Variants in PTPRS observed in about 807,000 individuals in gnomAD.
The protein encoded by PTPRS is protein tyrosine phosphatase receptor type S.
A neutral mutation model predicts 215.3 loss-of-function variants in PTPRS; 63 were observed. The ratio of observed to expected loss-of-function variants is 0.29; its 90% confidence interval spans 0.24 to 0.36. PTPRS has a LOEUF of 0.36. Among genes scored for constraint, PTPRS ranks in the 10% least tolerant of loss-of-function variants. The probability of loss-of-function intolerance (pLI) is 1.00; values close to 1 mark genes in which losing one functional copy is unlikely to be tolerated. For synonymous variants in PTPRS, 1,404 were observed against 1,191.4 expected (o/e 1.18, Z -3.68); for missense variants, 2,258 against 2,825.8 (o/e 0.80, Z 4.56).
At chr19:5,331,421 C>T (rs976897908) in intron 1 of PTPRS, among the ~76,000 whole-genome samples, 5 of 152,134 alleles carry the variant, frequency 3.3e-5, no homozygotes, top group South Asian at 2.1e-4. Context: ...ACGTGAGCCA[C>T]CATGCCTGGC....
chr19:5,317,939 A>C (rs1335140604), intron 1 of PTPRS, among the ~76,000 whole-genome samples: 2 of 152,228 alleles, frequency 1.3e-5, no homozygotes, highest in African/African-American at 4.8e-5. Context: ...TGGGATGCCG[A>C]GGCGGGCGGA....
chr19:5,227,025 C>A (rs1330409650), intron 16 of PTPRS, among the ~76,000 whole-genome samples: 1 of 152,096 alleles, frequency 6.6e-6, no homozygotes, highest in African/African-American at 2.4e-5. Context: ...CTGCCCCCTC[C>A]TGCCCACCCA....
chr19:5,263,295 C>A (rs927518966), intron 5 of PTPRS, among the ~76,000 whole-genome samples: 1 of 152,034 alleles, frequency 6.6e-6, no homozygotes, highest in African/African-American at 2.4e-5. Flanking sequence ...AGATAGGAGG[C>A]GATTTGTCCC....
intron 7 of PTPRS, 86 bp from the exon 8 acceptor site, chr19:5,258,213 GCCTGTCTCCTGTGCTGGC>G: frequency 7.8e-6 from 9 of 1,148,512 alleles, no homozygotes; most frequent in African/African-American, 1.5e-5. Flanking sequence ...GTGCTCTCTG[GCCTGTCTCCTGTGCTGGC>G]TGGGCCAGAG....
At chr19:5,209,310 C>G (rs1158148039) in intron 35 of PTPRS, among the ~76,000 whole-genome samples, 2 of 152,176 alleles carry the variant, frequency 1.3e-5, no homozygotes, top group Admixed American at 6.5e-5. Flanking sequence ...CTCAATGGTG[C>G]CATTTTCCAC....
chr19:5,210,833 G>A lies in PTPRS; in HGVS notation c.5235-28C>T, dbSNP rs1340573342. ...GCAGGCGTTGGGGGTATGAGCCCAGGGCCGGCAGGGAGACCCGGCGTGGTA... is the reference window on the plus strand; with the variant it reads ...GCAGGCGTTGGGGGTATGAGCCCAGAGCCGGCAGGGAGACCCGGCGTGGTA... On this transcript the variant is annotated intron_variant, in intron 33 of 37. Coordinates refer to ENST00000262963, the MANE Select transcript of PTPRS (RefSeq NM_002850.4). This position sits in a 1 kb window ranked among gnomAD's most constrained non-coding sequence, Gnocchi z 4.5. 6 of 1,607,888 alleles carry A rather than the reference G, an allele frequency of 3.7e-6. No homozygotes were observed. In the Admixed American group the frequency reaches 5.0e-5, roughly 13 times the overall value.
At chr19:5,327,470 T>A (rs749767410) in intron 1 of PTPRS, among the ~76,000 whole-genome samples, 1 of 152,028 alleles carries the variant, frequency 6.6e-6, no homozygotes, top group East Asian at 1.9e-4. Context: ...TCAGACATGA[T>A]TCAAACTTGC....
At chr19:5,216,888 G>T (rs920252068) in intron 25 of PTPRS, 121 bp from the exon 26 acceptor site, 10 of 664,156 alleles carry the variant, frequency 1.5e-5, no homozygotes, top group African/African-American at 5.4e-5. Flanking sequence ...CGGACAACGG[G>T]GGGTATGTAC....
chr19:5,222,325 C>T, intron 18 of PTPRS, 105 bp from the exon 19 acceptor site: 1 of 951,104 alleles, frequency 1.1e-6, no homozygotes, highest in South Asian at 1.4e-5. Context: ...CCAGGCGCTC[C>T]CTGTCGTCCG....
In PTPRS at chr19:5,231,068, G is replaced by GAAAC. The variant is rs893714894; in HGVS notation, c.2155+238_2155+241dup. Among the ~76,000 whole-genome samples the GAAAC allele has an allele frequency of 7.5e-4, 114 of 152,332 alleles. 1 individual carries two copies. Among genetic ancestry groups the GAAAC allele is most frequent in the African/African-American group, 2.6e-3 (109 of 41,580 alleles). ...TCCACCAAAATAGAGGGCAGCCAGC[G>GAAAC]AAACTGTCCAGGCACGAGGCTCTGG... On this transcript the variant is annotated intron_variant, in intron 14 of 37. Coordinates refer to ENST00000262963, the MANE Select transcript of PTPRS (RefSeq NM_002850.4).
chr19:5,288,004 AC>A (rs2048506503), intron 1 of PTPRS, among the ~76,000 whole-genome samples: 6 of 144,092 alleles, frequency 4.2e-5, no homozygotes, highest in East Asian at 3.9e-4. Flanking sequence ...ACACACACAC[AC>A]ACACAATCAG....
intron 10 of PTPRS, 34 bp downstream of exon 10, chr19:5,245,742 C>A: frequency 1.3e-6 from 2 of 1,535,752 alleles, no homozygotes; most frequent in Admixed American, 1.9e-5. Flanking sequence ...TCCAGCCTGC[C>A]CCTCCACCTA....
At chr19:5,252,821 C>T (rs55820053) in intron 9 of PTPRS, among the ~76,000 whole-genome samples, 32,723 of 139,814 alleles carry the variant, frequency 0.23, 4,748 homozygotes, top group Non-Finnish European at 0.33. Flanking sequence ...TGCAGTGAGC[C>T]GAGATCACGT....
rs1599322648 is a variant in PTPRS at position 5,206,723 on chromosome 19, G to A, written c.*51C>T. The A allele has an allele frequency of 6.4e-7, 1 of 1,555,064 alleles. No individual in the cohort carries two copies. The highest frequency in any genetic ancestry group is 8.9e-7 in the Non-Finnish European group (1 of 1,127,098). ...AGGCCTCAGGAGGTCCGCCCGGGAG[G>A]GGCAGAGGCATCCGGGGCCAGTGGT... On this transcript the variant is annotated 3_prime_UTR_variant, in exon 38 of 38. Coordinates refer to ENST00000262963, the MANE Select transcript of PTPRS (RefSeq NM_002850.4).
intron 1 of PTPRS, among the ~76,000 whole-genome samples, chr19:5,334,960 T>C (rs542980930): frequency 1.3e-5 from 2 of 152,340 alleles, no homozygotes; most frequent in South Asian, 2.1e-4. Flanking sequence ...CAGCTGTTAT[T>C]ATCCCCCCGA....
In PTPRS at chr19:5,221,057, T is replaced by A; in HGVS notation, c.3398A>T (p.Asp1133Val). ...ATACACCATGATGAAGCCGTCAGCA[T>A]CAGGCTTGGGGGCGACGCTGGGCTT... The part of the protein sequence containing the change: ...NGKPSVAPKP[D>V]ADGFIMVYLP... The change falls in exon 20 of 38, where the codon GAT (aspartate) becomes GTT (valine). Residue 1133 changes from aspartate (D) to valine (V), a missense_variant. By Grantham distance (152) the Asp-to-Val change is radical. Transcript: ENST00000262963. 1.9e-6 allele frequency: 3 copies of A among 1,613,822 alleles called. No homozygotes were observed. Among genetic ancestry groups the A allele is most frequent in the Non-Finnish European group, 2.5e-6 (3 of 1,179,952 alleles).
At chr19:5,229,210 A>G in intron 16 of PTPRS, 106 bp downstream of exon 16, 1 of 1,210,152 alleles carries the variant, frequency 8.3e-7, no homozygotes, top group Non-Finnish European at 1.1e-6. Context: ...GGCCCAGAGG[A>G]GGAGACCGTT....
chr19:5,214,810 C>CCTGGCCATGTACTCAGTTTTCTGGCACTT (rs2041266064), intron 28 of PTPRS, 74 bp from the exon 29 acceptor site: 1 of 1,448,990 alleles, frequency 6.9e-7, no homozygotes, highest in Non-Finnish European at 9.3e-7. Flanking sequence ...CCAACCACTT[C>CCTGGCCATGTACTCAGTTTTCTGGCACTT]CTGGAAGTTC....
At position 5,206,751 on chromosome 19, in the gene PTPRS, C is replaced by T. The variant is rs369927383; in HGVS notation, c.*23G>A. ...CAGAGGCATCCGGGGCCAGTGGTGT[C>T]GGGCCTGGGGGGAACCATGGCTTTA... On this transcript the variant is annotated 3_prime_UTR_variant, in exon 38 of 38. Transcript: ENST00000262963. 35 of 1,610,390 alleles carry T rather than the reference C, an allele frequency of 2.2e-5. No homozygotes were observed. Among genetic ancestry groups the T allele is most frequent in the African/African-American group, 1.7e-4 (13 of 74,798 alleles).
Sources: gnomAD v4.1 joint callset for allele counts (sites outside exome capture counted in the v4.1 genomes callset) on GRCh38, gnomAD v4.1.1 for gene constraint, Gnocchi (gnomAD v3.1) non-coding constraint, MANE v1.5 for transcripts, NCBI Gene and HGNC (gene_info 2026-07-23, HGNC 2026-07-21) for gene names.